Variants in CSMD1 observed in about 807,000 individuals in gnomAD.
CSMD1 encodes CUB and sushi domain-containing protein 1.
CSMD1 carries 213 observed loss-of-function variants against 417.5 expected under a neutral mutation model. The ratio of observed to expected loss-of-function variants is 0.51; its 90% CI spans 0.46 to 0.57. The LOEUF (loss-of-function observed/expected upper bound fraction) is 0.57, where lower values mean the gene tolerates loss of function less well. CSMD1 is among the 20% of genes least tolerant of loss of function. The pLI, the probability that CSMD1 is intolerant of heterozygous loss-of-function variation, is 0.00. For missense variants in CSMD1, 6,923 were observed against 4,529.7 expected, an observed-to-expected ratio of 1.53 and a Z score of -15.17; for synonymous variants, 2,862 against 1,736.8, an observed-to-expected ratio of 1.65 and a Z score of -16.11.
intron 2 of CSMD1, among the ~76,000 whole-genome samples, chr8:4,514,378 T>C (rs1455148024): frequency 2.0e-5 from 3 of 152,136 alleles, no homozygotes; most frequent in Non-Finnish European, 4.4e-5. Flanking sequence ...ACCTGAATTT[T>C]AGGGGGACAC....
At chr8:3,710,049 C>G (rs980777980) in intron 6 of CSMD1, among the ~76,000 whole-genome samples, 1 of 152,030 alleles carries the variant, frequency 6.6e-6, no homozygotes, top group Non-Finnish European at 1.5e-5. Flanking sequence ...AGATGCCTTA[C>G]CAATAACATA....
intron 3 of CSMD1, among the ~76,000 whole-genome samples, chr8:4,325,429 G>C (rs1799504877): frequency 1.3e-5 from 2 of 152,128 alleles, no homozygotes; most frequent in Admixed American, 1.3e-4. Flanking sequence ...ACAGAAGCCA[G>C]GCAATACATG....
At chr8:4,208,070 T>C (rs182946551) in intron 3 of CSMD1, among the ~76,000 whole-genome samples, 13 of 152,300 alleles carry the variant, frequency 8.5e-5, no homozygotes, top group African/African-American at 1.4e-4. Flanking sequence ...TGTTCAGATA[T>C]GTGTTTACTA....
chr8:3,704,547 G>C (rs995464199), intron 7 of CSMD1, among the ~76,000 whole-genome samples: 8 of 152,174 alleles, frequency 5.3e-5, no homozygotes, highest in African/African-American at 1.9e-4. Context: ...GATAAGAGGA[G>C]TTTCTCATAA....
At chr8:4,501,906 T>A (rs1032831620) in intron 2 of CSMD1, among the ~76,000 whole-genome samples, 2 of 152,128 alleles carry the variant, frequency 1.3e-5, no homozygotes, top group African/African-American at 4.8e-5. Flanking sequence ...GTATGAGGAA[T>A]CTACTGGGGG....
intron 1 of CSMD1, among the ~76,000 whole-genome samples, chr8:4,663,905 T>A (rs1442812123): frequency 6.6e-6 from 1 of 152,150 alleles, no homozygotes; most frequent in Non-Finnish European, 1.5e-5. Context: ...CTTCTCAAAA[T>A]CCAGTGTCAT....
chr8:4,715,110 G>T (rs912044097), intron 1 of CSMD1, among the ~76,000 whole-genome samples: 2 of 152,062 alleles, frequency 1.3e-5, no homozygotes, highest in Non-Finnish European at 2.9e-5. Flanking sequence ...ATCACTTATA[G>T]TTCAGATCCA....
intron 33 of CSMD1, 55 bp from the exon 34 acceptor site, chr8:3,190,170 G>T: frequency 7.7e-6 from 11 of 1,436,270 alleles, no homozygotes; most frequent in South Asian, 2.5e-5. Context: ...AAGCCAGGAC[G>T]TTGCGTGGAA....
chr8:3,948,617 A>T (rs937545484), intron 5 of CSMD1, among the ~76,000 whole-genome samples: 1 of 152,202 alleles, frequency 6.6e-6, no homozygotes, highest in African/African-American at 2.4e-5. Context: ...TCAATTCCAC[A>T]TACTTACTGC....
chr8:3,417,824 G>C (rs1475925857), intron 12 of CSMD1, among the ~76,000 whole-genome samples: 2 of 149,926 alleles, frequency 1.3e-5, no homozygotes, highest in African/African-American at 4.9e-5. Flanking sequence ...GAAGTCTACA[G>C]ACCCTGTTTT....
intron 3 of CSMD1, among the ~76,000 whole-genome samples, chr8:4,115,302 A>T (rs1302777273): frequency 2.0e-5 from 3 of 152,244 alleles, no homozygotes; most frequent in Non-Finnish European, 1.5e-5. Flanking sequence ...TTTTGGCAAC[A>T]AAATATTTTA....
chr8:3,122,530 T>C (rs1246446879), intron 41 of CSMD1, among the ~76,000 whole-genome samples: 1 of 152,192 alleles, frequency 6.6e-6, no homozygotes, highest in Non-Finnish European at 1.5e-5. Flanking sequence ...ACTTGAATTG[T>C]ATCTCCCAGA....
intron 4 of CSMD1, among the ~76,000 whole-genome samples, chr8:4,030,719 C>A (rs1464917028): frequency 6.6e-6 from 1 of 152,158 alleles, no homozygotes; most frequent in Admixed American, 6.5e-5. Flanking sequence ...TGATTTTCTC[C>A]TTGGAAAATG....
intron 26 of CSMD1, among the ~76,000 whole-genome samples, chr8:3,240,639 A>G (rs948193597): frequency 2.0e-5 from 3 of 152,114 alleles, no homozygotes; most frequent in Admixed American, 2.0e-4. Context: ...GGTCAGTCCA[A>G]GAGAAAGTGA....
At chr8:2,942,356 G>T in intron 69 of CSMD1, 116 bp downstream of exon 69, 9 of 811,318 alleles carry the variant, frequency 1.1e-5, no homozygotes, top group Non-Finnish European at 1.6e-5. Flanking sequence ...AAAAAAAAAA[G>T]AACATTGCAT....
intron 4 of CSMD1, among the ~76,000 whole-genome samples, chr8:4,020,191 T>C (rs959562437): frequency 2.0e-5 from 3 of 152,166 alleles, no homozygotes; most frequent in African/African-American, 4.8e-5. Flanking sequence ...GGCACTTTTA[T>C]ACACATAAAA....
rs530024010 is a variant in CSMD1 at position 4,563,018 on chromosome 8, G to A, written c.302+74324C>T. On this transcript the variant is annotated intron_variant, in intron 2 of 69. Coordinates refer to ENST00000635120, the MANE Select transcript of CSMD1 (RefSeq NM_033225.6). ...CACTCACATGCACCATGAAAATTCC[G>A]GTGTTTTAAACAGTGTTTTATTTGT... 2.8e-4 allele frequency among the ~76,000 whole-genome samples: 43 copies of A among 152,144 alleles called. 1 individual carries two copies. The South Asian group carries it at 8.3e-3, about 29-fold the overall frequency.
In CSMD1 at chr8:3,527,081, C is replaced by T. The variant is rs995191970; in HGVS notation, c.1345-33355G>A. 6.6e-5 allele frequency among the ~76,000 whole-genome samples: 10 copies of T among 152,006 alleles called. No individual in the cohort carries two copies. The South Asian group carries it at 1.0e-3, about 16-fold the overall frequency. On this transcript the variant is annotated intron_variant, in intron 10 of 69. Transcript: ENST00000635120. ...GGTCAGTGCCACGCTGCAAAGAAAGCCCAGAAAATGCCAGAAGGAGCCCAG... is the reference window on the plus strand; with the variant it reads ...GGTCAGTGCCACGCTGCAAAGAAAGTCCAGAAAATGCCAGAAGGAGCCCAG...
At chr8:3,871,679 C>G (rs1029458375) in intron 5 of CSMD1, among the ~76,000 whole-genome samples, 6 of 152,108 alleles carry the variant, frequency 3.9e-5, no homozygotes, top group African/African-American at 1.2e-4. Flanking sequence ...ATACAGAGGT[C>G]AATCATTTTC....
Sources: allele counts gnomAD v4.1 joint callset (sites outside exome capture counted in the v4.1 genomes callset), GRCh38; gene constraint gnomAD v4.1.1; transcripts MANE v1.5; gene names NCBI Gene and HGNC (gene_info 2026-07-23, HGNC 2026-07-21).